Variants in SPAG16 observed in about 807,000 individuals in gnomAD.
SPAG16 encodes the protein sperm associated antigen 16.
A neutral mutation model predicts 80.4 loss-of-function variants in SPAG16; 86 were observed. The observed-to-expected ratio is 1.07, with a 90% CI of 0.90 to 1.28. The LOEUF (loss-of-function observed/expected upper bound fraction) is 1.28. Among genes scored for constraint, SPAG16 ranks in the 50% most tolerant of loss-of-function variants. SPAG16 has a pLI of 0.00. For missense variants in SPAG16, 870 were observed against 765.3 expected, an observed-to-expected ratio of 1.14 and a Z score of -1.61; for synonymous variants, 294 against 265.9, an observed-to-expected ratio of 1.11 and a Z score of -1.03.
At chr2:214,110,198 G>A (rs1559804765) in intron 14 of SPAG16, among the ~76,000 whole-genome samples, 1 of 152,046 alleles carries the variant, frequency 6.6e-6, no homozygotes, top group African/African-American at 2.4e-5. Context: ...ATGCAGGTTT[G>A]TTACATAGGT....
chr2:213,581,598 A>G (rs116626794), intron 10 of SPAG16, among the ~76,000 whole-genome samples: 2,306 of 152,176 alleles, frequency 0.015, 27 homozygotes, highest in South Asian at 0.052. Flanking sequence ...GTCCAAGCTG[A>G]TTTTGACTGG....
At chr2:213,980,712 G>GTGTATATATATATATATATATATATA (rs1469351640) in intron 12 of SPAG16, among the ~76,000 whole-genome samples, 1 of 114,010 alleles carries the variant, frequency 8.8e-6, no homozygotes, top group Non-Finnish European at 1.7e-5. Context: ...GTGTGTGTGT[G>GTGTATATATATATATATATATATATA]TATATATATA....
In SPAG16 at chr2:213,326,045, C is replaced by T. The variant is rs532168259; in HGVS notation, c.536+8689C>T. 1.5e-4 allele frequency among the ~76,000 whole-genome samples: 23 copies of T among 151,786 alleles called. No individual in the cohort carries two copies. In the South Asian group the frequency reaches 4.2e-3, roughly 27 times the overall value. On this transcript the variant is annotated intron_variant, in intron 5 of 15. Coordinates refer to ENST00000331683, the MANE Select transcript of SPAG16 (RefSeq NM_024532.5). The stretch of plus-strand genomic sequence containing the variant: ...TTCTTGGGAATGTAACCAGTCTTGC[C>T]GTATTTTGAGTATTGTCTTCCTTTG...
intron 14 of SPAG16, among the ~76,000 whole-genome samples, chr2:214,139,256 T>G (rs2055223214): frequency 1.3e-5 from 2 of 152,128 alleles, no homozygotes. Flanking sequence ...GAATTAACAG[T>G]GAACATTAAG....
At chr2:213,372,155 C>G (rs1241670545) in intron 8 of SPAG16, among the ~76,000 whole-genome samples, 1 of 151,866 alleles carries the variant, frequency 6.6e-6, no homozygotes, top group African/African-American at 2.4e-5. Context: ...TTTCAAAAAG[C>G]TTATGAAATC....
At chr2:214,206,140 G>A (rs998239534) in intron 15 of SPAG16, among the ~76,000 whole-genome samples, 1 of 152,154 alleles carries the variant, frequency 6.6e-6, no homozygotes, top group Non-Finnish European at 1.5e-5. Context: ...AGTTTGCAGT[G>A]AGCCGAGATT....
intron 15 of SPAG16, among the ~76,000 whole-genome samples, chr2:214,186,822 C>G (rs1032113942): frequency 2.0e-5 from 3 of 151,894 alleles, no homozygotes; most frequent in Non-Finnish European, 4.4e-5. Flanking sequence ...TGCAATGGCA[C>G]GATCTCAGCT....
intron 11 of SPAG16, among the ~76,000 whole-genome samples, chr2:213,867,926 CA>C (rs35795865): frequency 5.7e-4 from 26 of 45,890 alleles, no homozygotes; most frequent in African/African-American, 1.6e-3. Flanking sequence ...TCTGTCTCAA[CA>C]AAAAAAAAAA....
chr2:213,407,844 G>GA (rs1326440062), intron 9 of SPAG16, among the ~76,000 whole-genome samples: 1 of 125,162 alleles, frequency 8.0e-6, no homozygotes. Context: ...GAGAGAGACA[G>GA]GAGAGAGGCA....
intron 12 of SPAG16, among the ~76,000 whole-genome samples, chr2:213,954,644 A>G (rs1234393471): frequency 1.3e-5 from 2 of 152,062 alleles, no homozygotes; most frequent in Non-Finnish European, 2.9e-5. Context: ...TAGGTTGGAC[A>G]TATGTTTTCA....
chr2:214,216,109 A>C (rs1228786975), intron 15 of SPAG16, among the ~76,000 whole-genome samples: 1 of 152,232 alleles, frequency 6.6e-6, no homozygotes, highest in Non-Finnish European at 1.5e-5. Context: ...TTAAATTGGT[A>C]GAATAATGAC....
intron 10 of SPAG16, among the ~76,000 whole-genome samples, chr2:213,723,076 T>A (rs890296040): frequency 6.6e-6 from 1 of 152,138 alleles, no homozygotes; most frequent in African/African-American, 2.4e-5. Context: ...TTGGAGAGAT[T>A]TTGAAGAGTA....
chr2:213,551,052 A>G (rs897473545), intron 10 of SPAG16, among the ~76,000 whole-genome samples: 1 of 152,130 alleles, frequency 6.6e-6, no homozygotes, highest in Non-Finnish European at 1.5e-5. Flanking sequence ...CCTAACCGTA[A>G]TAGTCAGAGA....
chr2:213,628,158 G>T (rs2062024928), intron 10 of SPAG16, among the ~76,000 whole-genome samples: 1 of 152,116 alleles, frequency 6.6e-6, no homozygotes, highest in Admixed American at 6.5e-5. Context: ...TTACAAATTT[G>T]TGAATATCCA....
intron 13 of SPAG16, among the ~76,000 whole-genome samples, chr2:214,049,263 T>C (rs748839442): frequency 6.6e-6 from 1 of 152,224 alleles, no homozygotes; most frequent in African/African-American, 2.4e-5. Context: ...AGCTTTGTTG[T>C]ATTAAAGGAA....
intron 15 of SPAG16, among the ~76,000 whole-genome samples, chr2:214,177,993 A>G (rs2057174831): frequency 1.2e-5 from 1 of 81,372 alleles, no homozygotes; most frequent in Non-Finnish European, 3.2e-5. Flanking sequence ...ATATATATAT[A>G]TATATATATA....
At chr2:213,487,254 G>A (rs1458955491) in intron 9 of SPAG16, among the ~76,000 whole-genome samples, 1 of 152,030 alleles carries the variant, frequency 6.6e-6, no homozygotes, top group East Asian at 1.9e-4. Flanking sequence ...TGCCTAGTGA[G>A]TTCAATGTGC....
chr2:214,206,439 G>A (rs577099724), intron 15 of SPAG16, among the ~76,000 whole-genome samples: 4 of 152,260 alleles, frequency 2.6e-5, no homozygotes, highest in African/African-American at 9.6e-5. Context: ...CATCCATGTT[G>A]CTGCAAATGA....
chr2:214,145,153 C>G (rs2055575133), intron 14 of SPAG16, among the ~76,000 whole-genome samples: 1 of 151,166 alleles, frequency 6.6e-6, no homozygotes, highest in African/African-American at 2.4e-5. Flanking sequence ...ATTAACATTC[C>G]AGTTTTCTCC....
Sources: gnomAD v4.1 joint callset for allele counts (sites outside exome capture counted in the v4.1 genomes callset) on GRCh38, gnomAD v4.1.1 for gene constraint, MANE v1.5 for transcripts, NCBI Gene and HGNC (gene_info 2026-07-23, HGNC 2026-07-21) for gene names.